FANCI: variants seen among roughly 807,000 people sequenced by gnomAD.
The protein encoded by FANCI is FA complementation group I.
Under a neutral mutation model 176.1 loss-of-function variants are expected in FANCI, and 156 were observed. The ratio of observed to expected loss-of-function variants is 0.89; its 90% CI spans 0.78 to 1.01. The LOEUF (loss-of-function observed/expected upper bound fraction) is 1.01, where lower values mean the gene tolerates loss of function less well. FANCI is among the 50% of genes least tolerant of loss of function. FANCI has a pLI of 0.00. For synonymous variants in FANCI, 613 were observed against 541.7 expected (o/e 1.13, Z -1.83); for missense variants, 1,678 against 1,534.1 (o/e 1.09, Z -1.57).
At chr15:89,265,913 C>T (rs2052929020) in intron 9 of FANCI, among the ~76,000 whole-genome samples, 1 of 152,096 alleles carries the variant, frequency 6.6e-6, no homozygotes, top group Admixed American at 6.5e-5. Flanking sequence ...CCCTATTTTA[C>T]CTCTACTTTA....
intron 2 of FANCI, among the ~76,000 whole-genome samples, chr15:89,248,111 C>T (rs1345257689): frequency 6.6e-6 from 1 of 151,998 alleles, no homozygotes; most frequent in Non-Finnish European, 1.5e-5. Context: ...TGTATTTTTC[C>T]GTAAAGAAAT....
chr15:89,293,869 G>A lies in FANCI; in HGVS notation c.2328G>A (p.Met776Ile), dbSNP rs781175970. Residue 776 changes from methionine (M) to isoleucine (I), a missense_variant, in exon 23 of 38, where the codon ATG (methionine) becomes ATA (isoleucine). Met to Ile is a conservative substitution (Grantham distance 10). Coordinates refer to ENST00000310775, the MANE Select transcript of FANCI (RefSeq NM_001113378.2). ...NRFEDILSLF[M>I]CYKKLSDILN... is the part of the protein sequence containing the mutation. ...TTGAGGACATTCTGAGCTTATTTAT[G>A]TGTTACAAAAAACTCTCTGACATTC... 25 of 1,613,918 alleles carry A rather than the reference G, an allele frequency of 1.5e-5. No individual in the cohort carries two copies. The highest frequency in any genetic ancestry group is 6.6e-5 in the South Asian group (6 of 91,078).
At chr15:89,312,036 G>C (rs147997063) in intron 34 of FANCI, among the ~76,000 whole-genome samples, 27 of 152,182 alleles carry the variant, frequency 1.8e-4, no homozygotes, top group African/African-American at 6.5e-4. Context: ...TACAACACAG[G>C]GAAGTGTTCT....
At chr15:89,245,119 A>C (rs2051888483) in intron 1 of FANCI, 1 of 151,834 alleles carries the variant, frequency 6.6e-6, no homozygotes, top group African/African-American at 2.4e-5. Flanking sequence ...GTGCCATGAG[A>C]GGATGTACTA....
intron 24 of FANCI, among the ~76,000 whole-genome samples, chr15:89,296,243 C>T (rs1004532056): frequency 4.0e-5 from 6 of 148,380 alleles, no homozygotes; most frequent in African/African-American, 1.5e-4. Context: ...GGTTTACAGG[C>T]GTGAGCCACT....
intron 9 of FANCI, among the ~76,000 whole-genome samples, chr15:89,267,482 T>C (rs1426483377): frequency 2.0e-5 from 3 of 152,086 alleles, no homozygotes; most frequent in Non-Finnish European, 4.4e-5. Flanking sequence ...GGAGGTCATT[T>C]GTGACCCTTG....
At chr15:89,292,248 G>A (rs147847734) in intron 20 of FANCI, among the ~76,000 whole-genome samples, 363 of 152,294 alleles carry the variant, frequency 2.4e-3, no homozygotes, top group African/African-American at 8.3e-3. Flanking sequence ...TCTTTCAGTT[G>A]TCATATCTTG....
chr15:89,297,085 T>C (rs1192871742), intron 24 of FANCI, among the ~76,000 whole-genome samples: 22 of 144,464 alleles, frequency 1.5e-4, no homozygotes, highest in Non-Finnish European at 4.5e-5. Context: ...CCAGACGGGG[T>C]GGCTGCCGGG....
At chr15:89,282,129 G>C in intron 16 of FANCI, 1 of 395,686 alleles carries the variant, frequency 2.5e-6, no homozygotes, top group Non-Finnish European at 4.8e-6. Flanking sequence ...GTTGGTGGTG[G>C]AGCAAGGATT....
chr15:89,303,136 G>A (rs28717051), intron 27 of FANCI, among the ~76,000 whole-genome samples: 8,363 of 152,190 alleles, frequency 0.055, 736 homozygotes, highest in African/African-American at 0.19. Flanking sequence ...ATTTCATTGA[G>A]CACGGTATTC....
chr15:89,305,686 G>C lies in FANCI; in HGVS notation c.3337G>C (p.Glu1113Gln). Residue 1113 changes from glutamate to glutamine, a missense_variant, in exon 31 of 38, where the codon GAA becomes CAA. Physicochemically the swap from Glu to Gln is conservative, Grantham distance 29 (BLOSUM62 2). Transcript: ENST00000310775. ...CAAGCTTAAGGGACAAGTGAGCCAA[G>C]AAACCTTATCAGGTAAGATAAGTTC... ...ITKLKGQVSQ[E>Q]TLSEEASSQA... 2 of 1,614,180 alleles carry C rather than the reference G, an allele frequency of 1.2e-6. No individual in the cohort carries two copies. Among genetic ancestry groups the C allele is most frequent in the South Asian group, 1.1e-5 (1 of 91,082 alleles).
intron 28 of FANCI, among the ~76,000 whole-genome samples, chr15:89,304,710 T>C (rs974251958): frequency 3.3e-5 from 5 of 152,192 alleles, no homozygotes; most frequent in African/African-American, 1.2e-4. Flanking sequence ...CCTCCTGTTC[T>C]GGTTAGGCAC....
rs372580426 is a variant in FANCI at position 89,291,379 on chromosome 15, T to C, written c.1891-234T>C. ...AAAATGTTGATTGCATGTACAAGTT[T>C]AGGAATAGAAGGAATTGGAATAGGA... On this transcript the variant is annotated intron_variant, in intron 19 of 37. Transcript: ENST00000310775. 9.2e-5 allele frequency among the ~76,000 whole-genome samples: 14 copies of C among 152,320 alleles called. 1 individual carries two copies. In the East Asian group the frequency reaches 2.3e-3, roughly 25 times the overall value.
intron 34 of FANCI, chr15:89,308,272 ACCAGATG>A: frequency 1.5e-6 from 1 of 681,744 alleles, no homozygotes; most frequent in Non-Finnish European, 1.8e-6. Context: ...GCCTCCACCT[ACCAGATG>A]CCAGTAGCAG....
chr15:89,259,180 C>T (rs774356971), intron 3 of FANCI: 8 of 185,606 alleles, frequency 4.3e-5, no homozygotes, highest in East Asian at 3.9e-4. Context: ...TCTTCATGCC[C>T]GCTGAGACGT....
chr15:89,305,674 C>G lies in FANCI; in HGVS notation c.3325C>G (p.Gln1109Glu). ...VDWLITKLKGQVSQETLSEEA... is the reference protein window; with the variant it reads ...VDWLITKLKGEVSQETLSEEA... ...CTGGCTAATCACCAAGCTTAAGGGA[C>G]AAGTGAGCCAAGAAACCTTATCAGG... is the stretch of plus-strand genomic sequence containing the variant. Residue 1109 changes from glutamine (Q) to glutamate (E), a missense_variant, in exon 31 of 38, where the codon CAA becomes GAA. Gln to Glu is a conservative substitution (Grantham distance 29, BLOSUM62 2). Around this residue, in one of 3 missense-constraint regions of FANCI, gnomAD observed 1,204 missense variants for 1,077.4 expected, o/e 1.12. Transcript: ENST00000310775. 1 of 1,614,144 alleles carries G rather than the reference C, an allele frequency of 6.2e-7. No individual in the cohort carries two copies. The highest frequency in any genetic ancestry group is 8.5e-7 in the Non-Finnish European group (1 of 1,180,020).
chr15:89,294,697 G>A (rs921040257), intron 23 of FANCI, among the ~76,000 whole-genome samples: 6 of 152,160 alleles, frequency 3.9e-5, no homozygotes, highest in Admixed American at 2.6e-4. Flanking sequence ...GATTTGGGGA[G>A]GGAGAGAAAA....
intron 26 of FANCI, 81 bp from the exon 27 acceptor site, chr15:89,301,242 TAGG>T (rs2054514839): frequency 1.1e-6 from 1 of 876,574 alleles, no homozygotes; most frequent in African/African-American, 1.6e-5. Context: ...GTCCTAGTCT[TAGG>T]AGTCTCTGAC....
chr15:89,301,518 C>T (rs1210915532), intron 27 of FANCI, 76 bp downstream of exon 27: 4 of 983,398 alleles, frequency 4.1e-6, no homozygotes, highest in Non-Finnish European at 6.6e-6. Flanking sequence ...AAGTGTATAT[C>T]TAAATGTCCT....
Sources: allele counts gnomAD v4.1 joint callset (sites outside exome capture counted in the v4.1 genomes callset), GRCh38; gene constraint gnomAD v4.1.1; regional missense constraint gnomAD v4.1.1; transcripts MANE v1.5; gene names NCBI Gene and HGNC (gene_info 2026-07-23, HGNC 2026-07-21).